Variants in LNX1 observed in about 807,000 individuals in gnomAD.
LNX1 encodes the protein E3 ubiquitin-protein ligase LNX.
In LNX1, 54 loss-of-function variants were observed where a neutral mutation model predicts 68.4. The observed-to-expected ratio is 0.79, with a 90% CI of 0.63 to 0.99. The LOEUF (loss-of-function observed/expected upper bound fraction) is 0.99. LNX1 is among the 50% of genes least tolerant of loss of function. The pLI, the probability that LNX1 is intolerant of heterozygous loss-of-function variation, is 0.00. For synonymous variants in LNX1, 336 were observed against 350.0 expected, an observed-to-expected ratio of 0.96 and a Z score of 0.45; for missense variants, 906 against 926.4, an observed-to-expected ratio of 0.98 and a Z score of 0.29.
In LNX1 at chr4:53,506,856, T is replaced by TAAAAA. The variant is rs59260730; in HGVS notation, c.775+456_775+460dup. Among the ~76,000 whole-genome samples the TAAAAA allele has an allele frequency of 3.7e-3, 203 of 54,200 alleles. 12 individuals carry two copies. The highest frequency in any genetic ancestry group is 5.5e-3 in the Non-Finnish European group (147 of 26,712). 35.6% of individuals were successfully genotyped at this position (54,200 alleles called of 152,430 possible). A position where few individuals can be genotyped will look rare whatever the true frequency, so the allele number is the denominator to read the frequency against. On this transcript the variant is annotated intron_variant, in intron 4 of 10. Transcript: ENST00000263925. The stretch of plus-strand genomic sequence containing the variant: ...CCTGGGCGACAAGCAAAACTCTGTC[T>TAAAAA]AAAAAAAAAAAAAAAAAAAGAGGAA...
chr4:53,569,723 G>A (rs2109767460), intron 2 of LNX1, among the ~76,000 whole-genome samples: 1 of 148,734 alleles, frequency 6.7e-6, no homozygotes, highest in Non-Finnish European at 1.5e-5. Context: ...AGAGTGAACA[G>A]GCAACCTACA....
In LNX1 at chr4:53,459,301, G is replaced by GTAA; in HGVS notation, c.*1603_*1605dup. On this transcript the variant is annotated 3_prime_UTR_variant, in exon 11 of 11. Transcript: ENST00000263925. ...CCTTTTTTTTTTTTTTTTTTTTCCAGTAATAGTAGACGTCGCCATGAAAGT... is the reference window on the plus strand; with the variant it reads ...CCTTTTTTTTTTTTTTTTTTTTCCAGTAATAATAGTAGACGTCGCCATGAAAGT... 1.1e-6 allele frequency: 1 copy of GTAA among 886,524 alleles called. No homozygotes were observed. The highest frequency in any genetic ancestry group is 1.6e-6 in the Non-Finnish European group (1 of 638,550). 54.9% of individuals were successfully genotyped at this position (886,524 alleles called of 1,614,324 possible).
chr4:53,630,135 C>T (rs1734215778), intron 1 of LNX1, among the ~76,000 whole-genome samples: 1 of 151,858 alleles, frequency 6.6e-6, no homozygotes, highest in African/African-American at 2.4e-5. Context: ...TGTAAGTTTT[C>T]CCTTTACCCT....
rs1186622507 is a variant in LNX1 at position 53,573,700 on chromosome 4, T to C, written c.303A>G (p.Leu101=). ...SILVNKLLNK[L]LVTCPFREHC... ...GCTCCCTGAATGGGCAGGTCACCAG[T>C]AGCTTGTTGAGGAGTTTGTTGACCA... is the stretch of plus-strand genomic sequence containing the variant. Residue 101 remains leucine, a synonymous_variant, in exon 2 of 11, where the codon CTA becomes CTG. Transcript: ENST00000263925. 3.1e-6 allele frequency: 5 copies of C among 1,610,552 alleles called. No homozygotes were observed. The highest frequency in any genetic ancestry group is 1.7e-5 in the Admixed American group (1 of 59,450).
At chr4:53,591,293 T>C in intron 1 of LNX1, 95 bp downstream of exon 1, 1 of 740,056 alleles carries the variant, frequency 1.4e-6, no homozygotes, top group African/African-American at 1.9e-5. Context: ...GACAAGCCGT[T>C]CAGCTTGTAT....
chr4:53,540,252 G>A lies in LNX1; in HGVS notation c.381-32025C>T, dbSNP rs543564078. ...ACAAAAATTAGCCAGGCATGGGGGC[G>A]TGCACCTGTAGTCCCAGCCACTCGG... On this transcript the variant is annotated intron_variant, in intron 2 of 10. Transcript: ENST00000263925. Among the ~76,000 whole-genome samples the A allele has an allele frequency of 1.6e-3, 244 of 152,162 alleles. 1 individual carries two copies. The highest frequency in any genetic ancestry group is 5.6e-3 in the African/African-American group (233 of 41,518).
At chr4:53,644,520 C>T (rs1734808686) in intron 1 of LNX1, among the ~76,000 whole-genome samples, 1 of 152,210 alleles carries the variant, frequency 6.6e-6, no homozygotes, top group South Asian at 2.1e-4. Context: ...CCTGTGTTGA[C>T]ATATGCTATA....
chr4:53,518,127 G>A (rs1726931597), intron 2 of LNX1, among the ~76,000 whole-genome samples: 1 of 152,190 alleles, frequency 6.6e-6, no homozygotes, highest in Admixed American at 6.5e-5. Flanking sequence ...ACCATCATGG[G>A]CACCTGGAAT....
intron 2 of LNX1, among the ~76,000 whole-genome samples, chr4:53,542,516 A>C (rs1728832166): frequency 6.6e-6 from 1 of 152,220 alleles, no homozygotes. Context: ...GATCTGAATC[A>C]ATACTCTGAC....
At chr4:53,597,751 A>T (rs1290434142) in intron 2 of LNX1, among the ~76,000 whole-genome samples, 1 of 152,056 alleles carries the variant, frequency 6.6e-6, no homozygotes, top group African/African-American at 2.4e-5. Flanking sequence ...CAATTTAGCC[A>T]TTGTCATTTC....
chr4:53,593,799 A>C (rs1295711260), upstream of LNX1: 1 of 152,144 alleles, frequency 6.6e-6, no homozygotes. Flanking sequence ...TGAGCACTTT[A>C]TACAAGAACC....
intron 1 of LNX1, among the ~76,000 whole-genome samples, chr4:53,633,332 T>A (rs1031720260): frequency 3.3e-5 from 5 of 152,220 alleles, no homozygotes; most frequent in Non-Finnish European, 7.3e-5. Context: ...TGGTCCCCCA[T>A]GCACAATAAC....
chr4:53,537,571 A>C (rs962940705), intron 2 of LNX1, among the ~76,000 whole-genome samples: 6 of 152,114 alleles, frequency 3.9e-5, no homozygotes, highest in Admixed American at 6.6e-5. Context: ...GTATTTTCTC[A>C]CTCTTTCCAT....
intron 1 of LNX1, chr4:53,579,315 G>T: frequency 1.0e-6 from 1 of 968,384 alleles, no homozygotes; most frequent in Non-Finnish European, 1.2e-6. Flanking sequence ...GGTGCCTTAG[G>T]AATCACCCTT....
intron 2 of LNX1, among the ~76,000 whole-genome samples, chr4:53,514,809 A>G (rs4864465): frequency 0.96 from 146,279 of 152,262 alleles, 70,543 homozygotes; most frequent in Non-Finnish European, 1. Flanking sequence ...CTGTACTCAG[A>G]CTTTTCAAGC....
rs1403279449 is a variant in LNX1 at position 53,461,373 on chromosome 4, AAGCTT to A, written c.2051+57_2051+61del. The stretch of plus-strand genomic sequence containing the variant: ...TACATGCCTTATCTCAAATGGGGCC[AAGCTT>A]TGGCATTTATGAAACAACATTTAAT... On this transcript the variant is annotated intron_variant, in intron 10 of 10. Coordinates refer to ENST00000263925, the MANE Select transcript of LNX1 (RefSeq NM_001126328.3). 1.4e-5 allele frequency: 19 copies of A among 1,354,876 alleles called. No individual in the cohort carries two copies. The Admixed American group carries it at 3.6e-4, about 25-fold the overall frequency. The allele number at this position is 1,354,876 out of a possible 1,614,324, so 83.9% of individuals were successfully genotyped here.
Position 53,614,738 on chromosome 4 carries a change from C to T in LNX1, c.-215+1779G>A, listed in dbSNP as rs76817462. On this transcript the variant is annotated intron_variant, in intron 2 of 3. Transcript: ENST00000504299. ...CTACGCTGTTTATGGCTCACGAGTTCATCTCCTCCTTGATGTCAACTGAAT... is the reference window on the plus strand; with the variant it reads ...CTACGCTGTTTATGGCTCACGAGTTTATCTCCTCCTTGATGTCAACTGAAT... Among the ~76,000 whole-genome samples the T allele has an allele frequency of 8.7e-3, 1,331 of 152,270 alleles. 17 individuals carry two copies. Among genetic ancestry groups the T allele is most frequent in the African/African-American group, 0.03 (1,258 of 41,558 alleles).
At chr4:53,621,948 C>T (rs1326356244), upstream of LNX1, among the ~76,000 whole-genome samples, 1 of 152,082 alleles carries the variant, frequency 6.6e-6, no homozygotes, top group African/African-American at 2.4e-5. Context: ...CCACTACCCA[C>T]CCCACCACCT....
intron 2 of LNX1, among the ~76,000 whole-genome samples, chr4:53,602,080 A>G (rs190512136): frequency 2.6e-5 from 4 of 152,284 alleles, no homozygotes; most frequent in Admixed American, 2.0e-4. Flanking sequence ...TTATGGTTCT[A>G]CTGGTGTGAT....
Sources: allele counts gnomAD v4.1 joint callset (sites outside exome capture counted in the v4.1 genomes callset), GRCh38; gene constraint gnomAD v4.1.1; transcripts MANE v1.5; gene names NCBI Gene and HGNC (gene_info 2026-07-23, HGNC 2026-07-21).